CSMD1: variants seen among roughly 807,000 people sequenced by gnomAD.
The protein encoded by CSMD1 is CUB and sushi domain-containing protein 1.
Under a neutral mutation model 417.5 loss-of-function variants are expected in CSMD1, and 213 were observed. The ratio of observed to expected loss-of-function variants is 0.51; its 90% CI spans 0.46 to 0.57. The LOEUF is 0.57. Ranked by LOEUF, CSMD1 falls within the 20% of genes least tolerant of loss-of-function variation. CSMD1 has a pLI of 0.00. For missense variants in CSMD1, 6,923 were observed against 4,529.7 expected (o/e 1.53, Z -15.17); for synonymous variants, 2,862 against 1,736.8 (o/e 1.65, Z -16.11).
chr8:3,880,740 T>C (rs1029261990), intron 5 of CSMD1, among the ~76,000 whole-genome samples: 4 of 152,228 alleles, frequency 2.6e-5, no homozygotes, highest in African/African-American at 7.2e-5. Flanking sequence ...ATTAAAATTA[T>C]ATTATACAGC....
chr8:4,579,254 C>G (rs1046897423), intron 2 of CSMD1, among the ~76,000 whole-genome samples: 1 of 148,802 alleles, frequency 6.7e-6, no homozygotes, highest in Non-Finnish European at 1.5e-5. Context: ...TTTAAACATA[C>G]ATACATATAT....
At chr8:3,080,956 T>A (rs1001594884) in intron 49 of CSMD1, among the ~76,000 whole-genome samples, 2 of 152,274 alleles carry the variant, frequency 1.3e-5, no homozygotes, top group East Asian at 3.9e-4. Flanking sequence ...TGAATTAAAA[T>A]AGAAGACAAC....
chr8:4,835,619 C>A (rs756464994), intron 1 of CSMD1, among the ~76,000 whole-genome samples: 5 of 152,120 alleles, frequency 3.3e-5, no homozygotes, highest in South Asian at 2.1e-4. Flanking sequence ...TATGCATAAC[C>A]TGAATTGCTC....
intron 4 of CSMD1, among the ~76,000 whole-genome samples, chr8:4,013,330 T>G (rs920261585): frequency 6.6e-6 from 1 of 152,164 alleles, no homozygotes; most frequent in African/African-American, 2.4e-5. Context: ...CCGTACGCTG[T>G]TGTCTCAAGG....
chr8:3,754,153 T>A, intron 5 of CSMD1, 111 bp from the exon 6 acceptor site: 2 of 620,160 alleles, frequency 3.2e-6, no homozygotes, highest in African/African-American at 1.8e-5. Context: ...TTGAGATGCT[T>A]AAAACAGAGG....
intron 4 of CSMD1, among the ~76,000 whole-genome samples, chr8:4,025,379 G>A (rs141492517): frequency 6.6e-6 from 1 of 152,112 alleles, no homozygotes; most frequent in Non-Finnish European, 1.5e-5. Context: ...TAGGACCCTA[G>A]ATCTCAAAGT....
chr8:3,757,772 C>G (rs775488917), intron 5 of CSMD1, among the ~76,000 whole-genome samples: 1 of 151,872 alleles, frequency 6.6e-6, no homozygotes, highest in African/African-American at 2.4e-5. Context: ...TTGCTTGAAC[C>G]TGGGAGGCAG....
chr8:4,373,562 T>G (rs1802530380), intron 3 of CSMD1, among the ~76,000 whole-genome samples: 1 of 152,258 alleles, frequency 6.6e-6, no homozygotes, highest in Non-Finnish European at 1.5e-5. Flanking sequence ...ACTCAACTCT[T>G]ATCATTTAAT....
intron 1 of CSMD1, among the ~76,000 whole-genome samples, chr8:4,820,861 T>A (rs192825137): frequency 1.7e-4 from 26 of 152,310 alleles, no homozygotes; most frequent in Admixed American, 1.4e-3. Context: ...GAATAATTGT[T>A]GTTACTACTT....
chr8:4,013,431 C>G (rs771545162), intron 4 of CSMD1, among the ~76,000 whole-genome samples: 1 of 152,122 alleles, frequency 6.6e-6, no homozygotes, highest in African/African-American at 2.4e-5. Context: ...TCCAAATATT[C>G]CGGTTTTCTA....
At chr8:3,449,731 C>T (rs558771429) in intron 12 of CSMD1, among the ~76,000 whole-genome samples, 1 of 152,116 alleles carries the variant, frequency 6.6e-6, no homozygotes, top group African/African-American at 2.4e-5. Flanking sequence ...TTGGTCAGGC[C>T]TGTCTCAAAC....
At chr8:4,359,861 G>C (rs1260248259) in intron 3 of CSMD1, among the ~76,000 whole-genome samples, 2 of 152,200 alleles carry the variant, frequency 1.3e-5, no homozygotes, top group African/African-American at 2.4e-5. Context: ...TGCAAGTCCA[G>C]AGACAACACT....
chr8:3,704,189 G>A (rs767150623), intron 7 of CSMD1, among the ~76,000 whole-genome samples: 5 of 152,200 alleles, frequency 3.3e-5, no homozygotes, highest in Non-Finnish European at 7.3e-5. Context: ...TGTTGGAGAT[G>A]CAGCCGGCCT....
intron 33 of CSMD1, 126 bp downstream of exon 33, chr8:3,199,588 C>A (rs1368025871): frequency 1.4e-5 from 6 of 429,650 alleles, no homozygotes; most frequent in Non-Finnish European, 2.0e-5. Flanking sequence ...ATATGAACAC[C>A]TTCAGCTCCT....
intron 3 of CSMD1, among the ~76,000 whole-genome samples, chr8:4,289,898 A>C (rs1210679945): frequency 6.6e-6 from 1 of 152,246 alleles, no homozygotes; most frequent in Non-Finnish European, 1.5e-5. Context: ...GGAATGAATC[A>C]AATGGTACCT....
At chr8:3,573,297 G>T (rs1033223573) in intron 10 of CSMD1, among the ~76,000 whole-genome samples, 3 of 152,142 alleles carry the variant, frequency 2.0e-5, no homozygotes, top group African/African-American at 7.2e-5. Context: ...TTAAAGTGAT[G>T]ATTGCAAGTA....
At chr8:3,452,444 G>T (rs1347262882) in intron 12 of CSMD1, among the ~76,000 whole-genome samples, 1 of 152,096 alleles carries the variant, frequency 6.6e-6, no homozygotes, top group East Asian at 1.9e-4. Flanking sequence ...TATGATATTG[G>T]CTGTGGGTTT....
intron 3 of CSMD1, among the ~76,000 whole-genome samples, chr8:4,207,908 A>G (rs180806795): frequency 6.6e-6 from 1 of 152,094 alleles, no homozygotes; most frequent in African/African-American, 2.4e-5. Context: ...AAACATAACT[A>G]TATTTATATT....
chr8:4,903,761 G>A (rs952562576), intron 1 of CSMD1, among the ~76,000 whole-genome samples: 10 of 152,148 alleles, frequency 6.6e-5, no homozygotes, highest in African/African-American at 1.9e-4. Context: ...AAAGGTGAGA[G>A]GAGAAGGACC....
Sources: gnomAD v4.1 joint callset for allele counts (sites outside exome capture counted in the v4.1 genomes callset) on GRCh38, gnomAD v4.1.1 for gene constraint, MANE v1.5 for transcripts, NCBI Gene and HGNC (gene_info 2026-07-23, HGNC 2026-07-21) for gene names.